The following STXBP5L variants were observed in gnomAD, a reference collection of about 807,000 sequenced individuals.
STXBP5L encodes the protein syntaxin-binding protein 5-like.
STXBP5L carries 65 observed loss-of-function variants against 144.5 expected under a neutral mutation model. The observed-to-expected ratio is 0.45, with a 90% confidence interval of 0.37 to 0.55. STXBP5L has a LOEUF of 0.55. Among genes scored for constraint, STXBP5L ranks in the 20% least tolerant of loss-of-function variants. The pLI is 0.00. For missense variants in STXBP5L, 1,298 were observed against 1,405.5 expected (o/e 0.92, Z 1.22); for synonymous variants, 505 against 469.6 (o/e 1.08, Z -0.97).
At chr3:121,127,217 A>G (rs1253180346) in intron 7 of STXBP5L, among the ~76,000 whole-genome samples, 3 of 148,524 alleles carry the variant, frequency 2.0e-5, no homozygotes, top group Admixed American at 1.3e-4. Flanking sequence ...TTATAAGGAG[A>G]CCAAATACAT....
chr3:121,079,215 C>T (rs2042153906), intron 5 of STXBP5L, among the ~76,000 whole-genome samples: 1 of 152,250 alleles, frequency 6.6e-6, no homozygotes, highest in South Asian at 2.1e-4. Context: ...AAGGGCTTTT[C>T]CTACTTTTAA....
chr3:121,135,464 T>C (rs2045205307), intron 7 of STXBP5L, among the ~76,000 whole-genome samples: 1 of 152,144 alleles, frequency 6.6e-6, no homozygotes, highest in Non-Finnish European at 1.5e-5. Context: ...AGTGCTAAGC[T>C]TGTTTTGCTG....
intron 22 of STXBP5L, among the ~76,000 whole-genome samples, chr3:121,394,064 G>T (rs543839595): frequency 6.6e-6 from 1 of 152,168 alleles, no homozygotes; most frequent in South Asian, 2.1e-4. Flanking sequence ...ATGAGTATGG[G>T]ATGTTTTTTC....
intron 19 of STXBP5L, among the ~76,000 whole-genome samples, chr3:121,304,347 T>C: frequency 6.6e-6 from 1 of 152,100 alleles, no homozygotes; most frequent in Non-Finnish European, 1.5e-5. Context: ...GGTAAGATTA[T>C]AAAAAACTAA....
intron 20 of STXBP5L, among the ~76,000 whole-genome samples, chr3:121,377,820 G>C (rs895091842): frequency 1.1e-4 from 17 of 152,156 alleles, no homozygotes; most frequent in African/African-American, 4.1e-4. Context: ...CCATTATGGG[G>C]TATATACCCA....
At chr3:121,076,642 CCTGT>C (rs2042030527) in intron 5 of STXBP5L, among the ~76,000 whole-genome samples, 1 of 152,152 alleles carries the variant, frequency 6.6e-6, no homozygotes, top group African/African-American at 2.4e-5. Flanking sequence ...CAATTATCTC[CCTGT>C]CTATTTTCCC....
intron 5 of STXBP5L, among the ~76,000 whole-genome samples, chr3:121,095,409 A>T (rs532297927): frequency 6.6e-6 from 1 of 152,264 alleles, no homozygotes; most frequent in South Asian, 2.1e-4. Flanking sequence ...GCTCCCCGTC[A>T]CTTTCAGTTA....
intron 19 of STXBP5L, among the ~76,000 whole-genome samples, chr3:121,301,221 G>A (rs1035764702): frequency 3.3e-5 from 5 of 151,962 alleles, no homozygotes; most frequent in Admixed American, 1.3e-4. Context: ...CCTTTATTTC[G>A]TTGAGCAGTG....
At chr3:121,001,946 T>A (rs987708885) in intron 3 of STXBP5L, among the ~76,000 whole-genome samples, 1 of 152,232 alleles carries the variant, frequency 6.6e-6, no homozygotes, top group Non-Finnish European at 1.5e-5. Flanking sequence ...CATTTTTTTA[T>A]CCATTCATCC....
intron 5 of STXBP5L, among the ~76,000 whole-genome samples, chr3:121,073,858 T>C (rs980276967): frequency 6.6e-6 from 1 of 152,236 alleles, no homozygotes; most frequent in Non-Finnish European, 1.5e-5. Flanking sequence ...ACACATGTTC[T>C]CTTTTCACTC....
At chr3:121,006,891 G>C (rs1206916387) in intron 3 of STXBP5L, among the ~76,000 whole-genome samples, 1 of 152,136 alleles carries the variant, frequency 6.6e-6, no homozygotes, top group East Asian at 1.9e-4. Context: ...ACTCTCTTCT[G>C]GCTTGTAGAG....
intron 3 of STXBP5L, among the ~76,000 whole-genome samples, chr3:120,991,926 C>G (rs1422994445): frequency 6.6e-6 from 1 of 151,956 alleles, no homozygotes; most frequent in Admixed American, 6.6e-5. Context: ...CTAACATGCA[C>G]GTTGTGCAGA....
At chr3:121,327,982 G>A (rs1425393656) in intron 20 of STXBP5L, among the ~76,000 whole-genome samples, 11 of 152,286 alleles carry the variant, frequency 7.2e-5, no homozygotes, top group African/African-American at 2.6e-4. Flanking sequence ...CATTCAATGT[G>A]AGGATGCACA....
chr3:121,122,948 G>A (rs2044536680), intron 7 of STXBP5L, among the ~76,000 whole-genome samples: 1 of 151,420 alleles, frequency 6.6e-6, no homozygotes, highest in Admixed American at 6.6e-5. Flanking sequence ...TCCTCATCTT[G>A]TAGTAAGAAA....
chr3:121,052,961 C>A (rs1025137034), intron 5 of STXBP5L, among the ~76,000 whole-genome samples: 38 of 152,134 alleles, frequency 2.5e-4, no homozygotes, highest in Non-Finnish European at 3.7e-4. Flanking sequence ...AACAGACAAA[C>A]AGAGAGCCAA....
chr3:121,350,595 C>A (rs1290575770), intron 20 of STXBP5L, among the ~76,000 whole-genome samples: 1 of 152,180 alleles, frequency 6.6e-6, no homozygotes, highest in African/African-American at 2.4e-5. Flanking sequence ...TTCAGGTACA[C>A]CAATCTGATG....
At chr3:121,259,808 TG>T (rs201643096) in intron 18 of STXBP5L, among the ~76,000 whole-genome samples, 7 of 151,884 alleles carry the variant, frequency 4.6e-5, no homozygotes, top group African/African-American at 1.2e-4. Context: ...TAGTTGTTCC[TG>T]GTTTTTTTTT....
chr3:121,016,284 A>G (rs1378732123), intron 3 of STXBP5L, among the ~76,000 whole-genome samples: 1 of 152,242 alleles, frequency 6.6e-6, no homozygotes, highest in Admixed American at 6.5e-5. Flanking sequence ...AGCATAGATT[A>G]TGGAATTGTT....
chr3:121,311,473 A>C (rs1020134542), intron 19 of STXBP5L, among the ~76,000 whole-genome samples: 2 of 152,234 alleles, frequency 1.3e-5, no homozygotes, highest in Non-Finnish European at 2.9e-5. Context: ...TGATTTGATA[A>C]ATTTTTAAAA....
Sources: gnomAD v4.1 joint callset for allele counts (sites outside exome capture counted in the v4.1 genomes callset) on GRCh38, gnomAD v4.1.1 for gene constraint, MANE v1.5 for transcripts, NCBI Gene and HGNC (gene_info 2026-07-23, HGNC 2026-07-21) for gene names.